The following MCTP2 variants were observed in gnomAD, a reference collection of about 807,000 sequenced individuals.
The protein encoded by MCTP2 is multiple C2 and transmembrane domain-containing protein 2.
MCTP2 carries 132 observed loss-of-function variants against 111.6 expected under a neutral mutation model. That is an observed-to-expected ratio of 1.18 (90% CI 1.03 to 1.37). The LOEUF (loss-of-function observed/expected upper bound fraction) is 1.37. MCTP2 is among the 40% of genes most tolerant of loss of function. MCTP2 has a pLI of 0.00. For missense variants in MCTP2, 1,183 were observed against 1,067.9 expected (o/e 1.11, Z -1.50); for synonymous variants, 395 against 387.7 (o/e 1.02, Z -0.22).
chr15:94,392,182 T>C (rs1161902438), intron 14 of MCTP2, among the ~76,000 whole-genome samples: 2 of 151,724 alleles, frequency 1.3e-5, no homozygotes, highest in African/African-American at 2.4e-5. Flanking sequence ...CTATACTGGC[T>C]AACCCGGTGA....
At chr15:94,373,839 T>C (rs968438514) in intron 12 of MCTP2, among the ~76,000 whole-genome samples, 3 of 152,208 alleles carry the variant, frequency 2.0e-5, no homozygotes, top group Admixed American at 2.0e-4. Context: ...TTTTAAGTAA[T>C]AGGTGATGCA....
intron 4 of MCTP2, among the ~76,000 whole-genome samples, chr15:94,317,417 A>T (rs978823917): frequency 1.3e-5 from 2 of 152,092 alleles, no homozygotes; most frequent in Non-Finnish European, 2.9e-5. Context: ...CCTGGTTATC[A>T]CCTGCCACTT....
chr15:94,332,286 T>C (rs1276075848), intron 4 of MCTP2, among the ~76,000 whole-genome samples: 2 of 152,208 alleles, frequency 1.3e-5, no homozygotes, highest in African/African-American at 2.4e-5. Flanking sequence ...TTATTTTTTC[T>C]GGTGTCAAAG....
intron 19 of MCTP2, among the ~76,000 whole-genome samples, chr15:94,452,539 ACCTGATAAACTATTTTTT>A (rs576750839): frequency 6.6e-6 from 1 of 152,224 alleles, no homozygotes; most frequent in South Asian, 2.1e-4. Context: ...ACTACTATAA[ACCTGATAAACTATTTTTT>A]TCCTGGATCC....
chr15:94,301,240 A>G (rs985352456), intron 2 of MCTP2, among the ~76,000 whole-genome samples: 21 of 152,100 alleles, frequency 1.4e-4, no homozygotes, highest in Non-Finnish European at 2.9e-5. Context: ...GCTGGGTGGC[A>G]TGCTTGCAGA....
Position 94,367,696 on chromosome 15 carries a change from G to T in MCTP2, c.1393G>T (p.Val465Phe). Residue 465 changes from valine (V) to phenylalanine (F), a missense_variant, in exon 11 of 23, where the codon GTC becomes TTC. Transcript: ENST00000357742. ...DSCLGALLML[V>F]TLTPCAGVSV... ...CTGTCTGGGGGCTCTCCTTATGTTG[G>T]TCACACTTACACCCTGTGCGGGGGT... 6.2e-7 allele frequency: 1 copy of T among 1,611,526 alleles called. No individual in the cohort carries two copies. The highest frequency in any genetic ancestry group is 8.5e-7 in the Non-Finnish European group (1 of 1,178,920).
chr15:94,266,296 ATGTGAAT>A (rs2073526061), intron 1 of MCTP2, among the ~76,000 whole-genome samples: 1 of 152,052 alleles, frequency 6.6e-6, no homozygotes, highest in Admixed American at 6.5e-5. Flanking sequence ...CACTTTTACT[ATGTGAAT>A]TGCATGCAAA....
At chr15:94,402,994 GA>G (rs200346848) in intron 17 of MCTP2, 15,643 of 995,040 alleles carry the variant, frequency 0.016, 137 homozygotes, top group African/African-American at 0.019. Flanking sequence ...AAAAATGGGG[GA>G]AAAAAAACAT....
chr15:94,325,401 G>A (rs185465905), intron 4 of MCTP2, among the ~76,000 whole-genome samples: 16 of 152,262 alleles, frequency 1.1e-4, no homozygotes, highest in Admixed American at 7.8e-4. Flanking sequence ...TTTGCATTTC[G>A]CCTGTGGGAA....
At chr15:94,369,255 A>G (rs1163705981) in intron 11 of MCTP2, among the ~76,000 whole-genome samples, 1 of 152,206 alleles carries the variant, frequency 6.6e-6, no homozygotes, top group African/African-American at 2.4e-5. Flanking sequence ...AATAGCAAGT[A>G]TTTTAATAGC....
At position 94,358,602 on chromosome 15, in the gene MCTP2, C is replaced by A; in HGVS notation, c.1291C>A (p.Arg431Ser). The change falls in exon 10 of 23, where the codon CGT becomes AGT. Residue 431 changes from arginine (R) to serine (S), a missense_variant. Arg to Ser is a moderately radical substitution (Grantham distance 110, BLOSUM62 -1). Coordinates refer to ENST00000357742, the MANE Select transcript of MCTP2 (RefSeq NM_001385001.1). ...AAAGGACAACAAAAAGCATGAGGAA[C>A]GTCTGGGCACGTGAGTCCCCTCTGC... ...WGKDNKKHEE[R>S]LGTCKVDISA... The A allele has an allele frequency of 6.2e-7, 1 of 1,613,524 alleles. No individual in the cohort carries two copies. The highest frequency in any genetic ancestry group is 8.5e-7 in the Non-Finnish European group (1 of 1,179,652).
At chr15:94,424,431 C>G (rs543422111) in intron 17 of MCTP2, among the ~76,000 whole-genome samples, 1 of 152,262 alleles carries the variant, frequency 6.6e-6, no homozygotes, top group African/African-American at 2.4e-5. Flanking sequence ...TGGAGGGCAG[C>G]ATCTGAAAAC....
intron 2 of MCTP2, among the ~76,000 whole-genome samples, chr15:94,309,203 T>C (rs569720655): frequency 6.6e-6 from 1 of 152,348 alleles, no homozygotes; most frequent in South Asian, 2.1e-4. Flanking sequence ...CAGTTGCTGC[T>C]TCCTGGTTAG....
rs999991371 is a variant in MCTP2, at chr15:94,479,614, T to G, written c.*580T>G. On this transcript the variant is annotated 3_prime_UTR_variant, in exon 23 of 23. Coordinates refer to ENST00000357742, the MANE Select transcript of MCTP2 (RefSeq NM_001385001.1). ...CTTTCAGCCATGATTATTAAGGATA[T>G]GTATGTGAATTTTTGGGAAACCTCT... The G allele has an allele frequency of 6.6e-6, 1 of 152,530 alleles. No homozygotes were observed. The highest frequency in any genetic ancestry group is 6.5e-5 in the Admixed American group (1 of 15,356). 9.4% of individuals were successfully genotyped at this position (152,530 alleles called of 1,614,324 possible).
chr15:94,403,303 T>C, intron 17 of MCTP2: 1 of 945,764 alleles, frequency 1.1e-6, no homozygotes, highest in Non-Finnish European at 1.3e-6. Context: ...CCACTTCCCT[T>C]TCTCACGTTC....
chr15:94,476,550 C>T, intron 21 of MCTP2, 146 bp from the exon 22 acceptor site: 1 of 534,514 alleles, frequency 1.9e-6, no homozygotes, highest in Admixed American at 3.4e-5. Context: ...TCCCCTCTCC[C>T]CCGAGTCAGG....
intron 17 of MCTP2, among the ~76,000 whole-genome samples, chr15:94,431,844 A>G (rs1435932489): frequency 6.6e-6 from 1 of 152,212 alleles, no homozygotes; most frequent in African/African-American, 2.4e-5. Context: ...GATTATTTAA[A>G]GATACACTGT....
chr15:94,344,195 C>T, intron 7 of MCTP2: 1 of 152,262 alleles, frequency 6.6e-6, no homozygotes, highest in Non-Finnish European at 1.5e-5. Context: ...TCAGTCATTT[C>T]TGTACCAACA....
At chr15:94,471,703 G>A (rs1469385921) in intron 21 of MCTP2, among the ~76,000 whole-genome samples, 1 of 148,102 alleles carries the variant, frequency 6.8e-6, no homozygotes, top group Admixed American at 6.8e-5. Context: ...TAGCAAATTG[G>A]TCCTTAAGAG....
Sources: gnomAD v4.1 joint callset for allele counts (sites outside exome capture counted in the v4.1 genomes callset) on GRCh38, gnomAD v4.1.1 for gene constraint, MANE v1.5 for transcripts, NCBI Gene and HGNC (gene_info 2026-07-23, HGNC 2026-07-21) for gene names.